UNC13B: variants seen among roughly 807,000 people sequenced by gnomAD.
UNC13B encodes the protein unc-13 homolog B.
UNC13B carries 144 observed loss-of-function variants against 211.0 expected under a neutral mutation model. The observed-to-expected ratio is 0.68, with a 90% CI of 0.60 to 0.78. The LOEUF (loss-of-function observed/expected upper bound fraction) is 0.78, where lower values mean the gene tolerates loss of function less well. UNC13B is among the 30% of genes least tolerant of loss of function. UNC13B has a pLI of 0.00. For synonymous variants in UNC13B, 709 were observed against 725.8 expected, an observed-to-expected ratio of 0.98 and a Z score of 0.37; for missense variants, 1,777 against 2,002.0, an observed-to-expected ratio of 0.89 and a Z score of 2.14.
chr9:35,262,274 CCTTTTCCTTT>C (rs1208009092), intron 7 of UNC13B, among the ~76,000 whole-genome samples: 3 of 151,204 alleles, frequency 2.0e-5, no homozygotes, highest in Admixed American at 6.6e-5. Context: ...CTTTCCTTTT[CCTTTTCCTTT>C]CTTTTCCTTT....
chr9:35,396,970 G>A (rs1835923686), intron 28 of UNC13B, 33 bp downstream of exon 28: 7 of 1,612,838 alleles, frequency 4.3e-6, no homozygotes, highest in Non-Finnish European at 5.9e-6. Flanking sequence ...ACCGGGTTCA[G>A]GCCAGGTCTC....
Position 35,398,600 on chromosome 9 carries a change from T to G in UNC13B, c.11879T>G (p.Leu3960Arg). The change falls in exon 32 of 40, where the codon CTG (leucine) becomes CGG (arginine). Residue 3960 changes from leucine to arginine, a missense_variant. Transcript: ENST00000635942. ...AGTCTGAAGGAGCTGCAGGTGAAAC[T>G]GAATACGGTTCTGGATGAGCTCAGC... ...ADSLKELQVKLNTVLDELSMV... is the reference protein window; with the variant it reads ...ADSLKELQVKRNTVLDELSMV... The G allele has an allele frequency of 6.2e-7, 1 of 1,614,034 alleles. No homozygotes were observed. The highest frequency in any genetic ancestry group is 8.5e-7 in the Non-Finnish European group (1 of 1,180,030).
At chr9:35,192,294 C>T (rs1050682303) in intron 1 of UNC13B, among the ~76,000 whole-genome samples, 4 of 152,174 alleles carry the variant, frequency 2.6e-5, no homozygotes, top group Admixed American at 6.6e-5. Flanking sequence ...CCCTTCCTAT[C>T]GACAATGATG....
chr9:35,258,036 T>A (rs1374798096), intron 6 of UNC13B, among the ~76,000 whole-genome samples: 1 of 152,262 alleles, frequency 6.6e-6, no homozygotes, highest in African/African-American at 2.4e-5. Context: ...TTACAAATTC[T>A]GTTTTGCCAG....
intron 38 of UNC13B, 66 bp downstream of exon 38, chr9:35,403,325 G>C (rs1487733470): frequency 1.0e-5 from 16 of 1,602,302 alleles, no homozygotes; most frequent in Non-Finnish European, 1.4e-5. Flanking sequence ...CTCAAAAGCA[G>C]GGGCTGCTCA....
chr9:35,334,227 A>G (rs1831527265), intron 11 of UNC13B, among the ~76,000 whole-genome samples: 1 of 152,168 alleles, frequency 6.6e-6, no homozygotes, highest in South Asian at 2.1e-4. Flanking sequence ...TGGCCTCCCA[A>G]AGTGCTGGGA....
At chr9:35,272,439 G>A (rs766032481) in intron 7 of UNC13B, among the ~76,000 whole-genome samples, 3 of 151,804 alleles carry the variant, frequency 2.0e-5, no homozygotes, top group Non-Finnish European at 4.4e-5. Context: ...TGTATTTTTA[G>A]TAGAGACAGG....
intron 1 of UNC13B, among the ~76,000 whole-genome samples, chr9:35,213,870 C>T (rs1312287159): frequency 6.6e-6 from 1 of 151,958 alleles, no homozygotes; most frequent in Non-Finnish European, 1.5e-5. Flanking sequence ...AAAGACAGTC[C>T]AAAGCTAGAA....
chr9:35,312,678 A>T (rs915504979), intron 10 of UNC13B, among the ~76,000 whole-genome samples: 6 of 152,240 alleles, frequency 3.9e-5, no homozygotes, highest in African/African-American at 1.2e-4. Context: ...ATATTTTAAC[A>T]TGTCTAGATG....
At chr9:35,283,605 G>A (rs1828629034) in intron 7 of UNC13B, among the ~76,000 whole-genome samples, 1 of 151,924 alleles carries the variant, frequency 6.6e-6, no homozygotes. Flanking sequence ...ATATCAGAGA[G>A]CAAAACAAAG....
At chr9:35,163,474 T>C (rs1820880824) in intron 1 of UNC13B, among the ~76,000 whole-genome samples, 1 of 152,252 alleles carries the variant, frequency 6.6e-6, no homozygotes, top group African/African-American at 2.4e-5. Context: ...CAGTTTTTCT[T>C]CTTTCATGGT....
intron 11 of UNC13B, among the ~76,000 whole-genome samples, chr9:35,364,355 A>G (rs1296701601): frequency 6.6e-6 from 1 of 152,212 alleles, no homozygotes; most frequent in Non-Finnish European, 1.5e-5. Flanking sequence ...ATCCTGGGCC[A>G]GCAAATACAG....
intron 26 of UNC13B, among the ~76,000 whole-genome samples, chr9:35,394,921 A>C (rs1376776476): frequency 6.6e-6 from 1 of 152,216 alleles, no homozygotes; most frequent in Non-Finnish European, 1.5e-5. Flanking sequence ...GCAGATAATA[A>C]ATTGACAGAG....
At chr9:35,257,422 A>AT (rs1277030520) in intron 6 of UNC13B, among the ~76,000 whole-genome samples, 5 of 130,162 alleles carry the variant, frequency 3.8e-5, no homozygotes, top group African/African-American at 5.5e-5. Flanking sequence ...ATTTATAAAA[A>AT]ATATAAATAT....
intron 11 of UNC13B, chr9:35,364,526 G>C: frequency 3.9e-6 from 6 of 1,535,278 alleles, no homozygotes; most frequent in Non-Finnish European, 5.2e-6. Flanking sequence ...CCTTTTTTCT[G>C]CTCTTTCTCT....
intron 16 of UNC13B, 35 bp from the exon 17 acceptor site, chr9:35,378,260 G>A (rs544238706): frequency 1.1e-5 from 18 of 1,612,584 alleles, no homozygotes; most frequent in Non-Finnish European, 1.4e-5. Context: ...GCTTCTGAAC[G>A]ACTCTGAAGC....
intron 26 of UNC13B, among the ~76,000 whole-genome samples, chr9:35,391,554 G>A (rs1452926560): frequency 6.6e-6 from 1 of 152,164 alleles, no homozygotes; most frequent in East Asian, 1.9e-4. Context: ...GAAGATCTGT[G>A]TTACATTTGA....
intron 37 of UNC13B, 76 bp downstream of exon 37, chr9:35,400,519 T>C (rs1243295924): frequency 7.3e-6 from 11 of 1,508,174 alleles, no homozygotes; most frequent in East Asian, 2.3e-5. Flanking sequence ...TGTATCTTCA[T>C]GCCCTTGGGA....
At chr9:35,336,272 T>C (rs1288590665) in intron 11 of UNC13B, among the ~76,000 whole-genome samples, 1 of 152,060 alleles carries the variant, frequency 6.6e-6, no homozygotes, top group East Asian at 1.9e-4. Flanking sequence ...CATCTTTTTT[T>C]TCTCCTCCAC....
Sources: gnomAD v4.1 joint callset for allele counts (sites outside exome capture counted in the v4.1 genomes callset) on GRCh38, gnomAD v4.1.1 for gene constraint, MANE v1.5 for transcripts, NCBI Gene and HGNC (gene_info 2026-07-23, HGNC 2026-07-21) for gene names.